CROCC: variants seen among roughly 807,000 people sequenced by gnomAD.
CROCC encodes the protein ciliary rootlet coiled-coil, rootletin.
CROCC carries 180 observed loss-of-function variants against 245.2 expected under a neutral mutation model. That is an observed-to-expected ratio of 0.73 (90% CI 0.65 to 0.83). The LOEUF (loss-of-function observed/expected upper bound fraction) is 0.83, where lower values mean the gene tolerates loss of function less well. CROCC is among the 40% of genes least tolerant of loss of function. CROCC has a pLI of 0.00. For missense variants in CROCC, 2,688 were observed against 2,779.4 expected (o/e 0.97, Z 0.74); for synonymous variants, 1,205 against 1,241.6 (o/e 0.97, Z 0.62).
chr1:16,969,245 G>A lies in CROCC; in HGVS notation c.5206G>A (p.Ala1736Thr). 1 of 1,613,460 alleles carries A rather than the reference G, an allele frequency of 6.2e-7. No individual in the cohort carries two copies. The highest frequency in any genetic ancestry group is 8.5e-7 in the Non-Finnish European group (1 of 1,179,882). ...GGTGCGGGGCCTGACAGAGGCCCTG[G>A]CCCAGAGCAGTGCCAGCCTCAACAG... is the stretch of plus-strand genomic sequence containing the variant. ...DKVRGLTEALAQSSASLNSTR... is the reference protein window; with the variant it reads ...DKVRGLTEALTQSSASLNSTR... Residue 1736 changes from alanine to threonine, a missense_variant, in exon 32 of 37, where the codon GCC becomes ACC. Physicochemically the swap from Ala to Thr is moderately conservative, Grantham distance 58 (BLOSUM62 0). Around this residue, in one of 9 missense-constraint regions of CROCC, gnomAD observed 1,218 missense variants for 1,286.3 expected, o/e 0.95. Transcript: ENST00000375541.
chr1:16,962,737 T>TG (rs1491471745), intron 27 of CROCC, among the ~76,000 whole-genome samples: 14 of 139,222 alleles, frequency 1.0e-4, no homozygotes, highest in African/African-American at 3.8e-4. Context: ...TATATGTATA[T>TG]TTTTTTTTTT....
chr1:16,935,002 C>T (rs1415145571), intron 8 of CROCC, among the ~76,000 whole-genome samples: 2 of 151,934 alleles, frequency 1.3e-5, no homozygotes, highest in Non-Finnish European at 2.9e-5. Flanking sequence ...CAGGTTCAAG[C>T]GATTCTCCCA....
chr1:16,927,856 G>C (rs1001686526), intron 3 of CROCC, among the ~76,000 whole-genome samples: 1 of 152,286 alleles, frequency 6.6e-6, no homozygotes, highest in African/African-American at 2.4e-5. Context: ...GCACAGCCTT[G>C]GACTGTGTTC....
At chr1:16,970,111 A>G in intron 33 of CROCC, 142 bp from the exon 34 acceptor site, 9 of 1,187,018 alleles carry the variant, frequency 7.6e-6, no homozygotes, top group Admixed American at 2.8e-5. Flanking sequence ...TGAGAGAGAC[A>G]GGTTTGGCTT....
Position 16,958,444 on chromosome 1 carries a change from T to C in CROCC, c.3865-139T>C, listed in dbSNP as rs2076280622. The C allele has an allele frequency of 2.9e-6, 3 of 1,039,088 alleles. No homozygotes were observed. In the East Asian group the frequency reaches 7.9e-5, roughly 27 times the overall value. 64.4% of individuals were successfully genotyped at this position (1,039,088 alleles called of 1,614,324 possible). A position where few individuals can be genotyped will look rare whatever the true frequency, so the allele number is the denominator to read the frequency against. On this transcript the variant is annotated intron_variant, in intron 25 of 36. Transcript: ENST00000375541. ...ATCGCCCAAGTTCAGTGTGGTTGTG[T>C]AGGGGCCGGCTCCCAGTGGATGTGG...
rs776924993 is a variant in CROCC at position 16,940,005 on chromosome 1, C to A, written c.1720C>A (p.Arg574=). The change falls in exon 13 of 37, where the codon CGG becomes AGG. Residue 574 remains arginine (R), a synonymous_variant. Coordinates refer to ENST00000375541, the MANE Select transcript of CROCC (RefSeq NM_014675.5). Reference sequence around the variant, plus strand: ...CCTAGAGGAACAGCTGCAGCGCCTGCGGGACAAGACCGACGGCGCCATGCA... The same window carrying A: ...CCTAGAGGAACAGCTGCAGCGCCTGAGGGACAAGACCGACGGCGCCATGCA... ...RALEEQLQRL[R]DKTDGAMQAH... The A allele has an allele frequency of 3.7e-6, 6 of 1,611,938 alleles. No homozygotes were observed.
rs2076060726 is a variant in CROCC at position 16,946,892 on chromosome 1, G to A, written c.2415G>A (p.Glu805=). 6.4e-7 allele frequency: 1 copy of A among 1,564,696 alleles called. No individual in the cohort carries two copies. Among genetic ancestry groups the A allele is most frequent in the East Asian group, 2.4e-5 (1 of 42,184 alleles). The change falls in exon 17 of 37, where the codon GAG becomes GAA. Residue 805 remains glutamate (E), a synonymous_variant. Transcript: ENST00000375541. The stretch of plus-strand genomic sequence containing the variant: ...AGGAGGTGGCGCGGCAGGGCCTGGA[G>A]GGCTCCCTACGAGTGGCGGAGCAGG... ...LEQEVARQGL[E]GSLRVAEQAQ...
At chr1:16,953,256 G>T (rs1432808248) in intron 20 of CROCC, 46 bp from the exon 21 acceptor site, 17 of 1,528,238 alleles carry the variant, frequency 1.1e-5, no homozygotes, top group Admixed American at 2.0e-5. Flanking sequence ...GGGTCTGCCT[G>T]GGCCCCCTCC....
chr1:16,968,530 C>T, intron 31 of CROCC, 112 bp downstream of exon 31: 1 of 1,100,454 alleles, frequency 9.1e-7, no homozygotes, highest in South Asian at 1.8e-5. Context: ...ACCCACATCC[C>T]CATTTCACAG....
At chr1:16,960,671 G>T in intron 26 of CROCC, 87 bp from the exon 27 acceptor site, 1 of 1,369,546 alleles carries the variant, frequency 7.3e-7, no homozygotes, top group Non-Finnish European at 9.4e-7. Flanking sequence ...ACACAGTCAG[G>T]GATGGTGGGC....
rs561747137 is a variant in CROCC at position 16,946,686 on chromosome 1, G to A, written c.2284-75G>A. 719 of 1,422,928 alleles carry A rather than the reference G, an allele frequency of 5.1e-4. No homozygotes were observed. The African/African-American group carries it at 9.5e-3, about 19-fold the overall frequency. The allele number at this position is 1,422,928 out of a possible 1,614,324, so 88.1% of individuals were successfully genotyped here. A position where few individuals can be genotyped will look rare whatever the true frequency, so the allele number is the denominator to read the frequency against. On this transcript the variant is annotated intron_variant, in intron 16 of 36. Coordinates refer to ENST00000375541, the MANE Select transcript of CROCC (RefSeq NM_014675.5). ...CCTCCCCTGGGCTATTGTTGCTGGT[G>A]GGTGGGTGGAGGAGGCGTCCTGGTC... is the stretch of plus-strand genomic sequence containing the variant.
At chr1:16,948,707 C>T (rs1444957390) in intron 18 of CROCC, 92 bp from the exon 19 acceptor site, 5 of 1,565,524 alleles carry the variant, frequency 3.2e-6, no homozygotes, top group Non-Finnish European at 2.6e-6. Context: ...TAGATTGGCA[C>T]TTGGCCCATG....
At chr1:16,952,055 A>G (rs960817668) in intron 20 of CROCC, 1 of 151,596 alleles carries the variant, frequency 6.6e-6, no homozygotes, top group African/African-American at 2.4e-5. Flanking sequence ...ACGCCTGGCT[A>G]ATTTTTGCAT....
chr1:16,958,815 C>T (rs1024738959), intron 26 of CROCC, 65 bp downstream of exon 26: 80 of 1,510,158 alleles, frequency 5.3e-5, no homozygotes, highest in Non-Finnish European at 7.0e-5. Context: ...GGTGGGCACC[C>T]CAATGCTGGG....
Position 16,972,460 on chromosome 1 carries a change from T to C in CROCC, c.*14T>C. On this transcript the variant is annotated 3_prime_UTR_variant, in exon 37 of 37. Transcript: ENST00000375541. ...CCAGAGAAATGAGCTCCTGCTGGCA[T>C]CTGGAGAACACCCCTGTGCCTGGGA... The C allele has an allele frequency of 6.2e-7, 1 of 1,603,026 alleles. No homozygotes were observed. Among genetic ancestry groups the C allele is most frequent in the South Asian group, 1.1e-5 (1 of 90,426 alleles).
At chr1:16,947,629 G>T (rs1157151691) in intron 17 of CROCC, among the ~76,000 whole-genome samples, 3 of 152,310 alleles carry the variant, frequency 2.0e-5, no homozygotes, top group African/African-American at 7.2e-5. Context: ...ATCCTGGAGC[G>T]CCTAGGTTTC....
In CROCC at chr1:16,966,561, G is replaced by A. The variant is rs566509715; in HGVS notation, c.4850G>A (p.Arg1617Gln). Residue 1617 changes from arginine to glutamine, a missense_variant, in exon 30 of 37, where the codon CGG (arginine) becomes CAG (glutamine). Physicochemically the swap from Arg to Gln is conservative, Grantham distance 43 (BLOSUM62 1). Around this residue, in one of 9 missense-constraint regions of CROCC, gnomAD observed 1,218 missense variants for 1,286.3 expected, o/e 0.95. Coordinates refer to ENST00000375541, the MANE Select transcript of CROCC (RefSeq NM_014675.5). This position sits in a 1 kb window ranked among gnomAD's most constrained non-coding sequence, Gnocchi z 4.8. The stretch of plus-strand genomic sequence containing the variant: ...CTGCAGGCCACCGAGAGCGAGCTCC[G>A]GGCCAGCCAGGTGGGCAGGAGCTGA... ...RSLQATESEL[R>Q]ASQEKISKMK... The A allele has an allele frequency of 2.6e-5, 38 of 1,482,842 alleles. 1 individual carries two copies. The highest frequency in any genetic ancestry group is 8.4e-5 in the African/African-American group (6 of 71,068). The allele number at this position is 1,482,842 out of a possible 1,614,324, so 91.9% of individuals were successfully genotyped here.
At chr1:16,923,674 C>CTTTTTTTTTTT (rs61063425) in intron 2 of CROCC, among the ~76,000 whole-genome samples, 33 of 103,520 alleles carry the variant, frequency 3.2e-4, no homozygotes, top group African/African-American at 1.1e-3. Context: ...ACTATTCTAC[C>CTTTTTTTTTTT]TTTTTTTTTT....
intron 26 of CROCC, among the ~76,000 whole-genome samples, chr1:16,960,348 C>T (rs2076310740): frequency 6.6e-6 from 1 of 152,220 alleles, no homozygotes; most frequent in African/African-American, 2.4e-5. Flanking sequence ...AATCCCAGCT[C>T]TGCAGTTTAC....
Sources: gnomAD v4.1 joint callset for allele counts (sites outside exome capture counted in the v4.1 genomes callset) on GRCh38, gnomAD v4.1.1 for gene constraint, gnomAD v4.1.1 regional missense constraint, Gnocchi (gnomAD v3.1) non-coding constraint, MANE v1.5 for transcripts, NCBI Gene and HGNC (gene_info 2026-07-23, HGNC 2026-07-21) for gene names.